MBTD1: variants seen among roughly 807,000 people sequenced by gnomAD.
MBTD1 encodes the protein MBT domain-containing protein 1.
MBTD1 carries 24 observed loss-of-function variants against 87.8 expected under a neutral mutation model. The ratio of observed to expected loss-of-function variants is 0.27; its 90% CI spans 0.20 to 0.38. The LOEUF (loss-of-function observed/expected upper bound fraction) is 0.38. Ranked by LOEUF, MBTD1 falls within the 10% of genes least tolerant of loss-of-function variation. MBTD1 has a pLI of 1.00. For synonymous variants in MBTD1, 237 were observed against 248.6 expected (o/e 0.95, Z 0.44); for missense variants, 436 against 760.2 (o/e 0.57, Z 5.02).
chr17:51,256,507 CTAAA>C (rs1180027475), intron 2 of MBTD1: 2 of 152,140 alleles, frequency 1.3e-5, no homozygotes, highest in Non-Finnish European at 2.9e-5. Context: ...TGCAGACCTA[CTAAA>C]TAAGTTATAG....
chr17:51,244,699 T>C (rs1038271395), intron 2 of MBTD1, among the ~76,000 whole-genome samples: 2 of 152,112 alleles, frequency 1.3e-5, no homozygotes, highest in African/African-American at 4.8e-5. Context: ...TGACCCAACA[T>C]GTCAGACCTC....
chr17:51,213,336 T>A (rs1305297838), intron 6 of MBTD1, among the ~76,000 whole-genome samples: 1 of 152,144 alleles, frequency 6.6e-6, no homozygotes, highest in Non-Finnish European at 1.5e-5. Context: ...TTGGCTAGAG[T>A]GCTTTAAAGC....
At chr17:51,201,126 CA>C (rs202123936) in intron 12 of MBTD1, among the ~76,000 whole-genome samples, 2 of 149,230 alleles carry the variant, frequency 1.3e-5, no homozygotes, top group Non-Finnish European at 1.5e-5. Flanking sequence ...GAGACTGTCT[CA>C]AAAAAAAATG....
In MBTD1 at chr17:51,203,121, A is replaced by T. The variant is rs750380351; in HGVS notation, c.828+19T>A. 6.3e-7 allele frequency: 1 copy of T among 1,580,742 alleles called. No individual in the cohort carries two copies. The highest frequency in any genetic ancestry group is 1.8e-5 in the Admixed American group (1 of 55,404). On this transcript the variant is annotated intron_variant, in intron 9 of 16. Coordinates refer to ENST00000586178, the MANE Select transcript of MBTD1 (RefSeq NM_017643.3). ...TGTTTTTTAGAGCTCTTCAGTCTTT[A>T]TAAGATCCTGTTTTTTACCTTTTGG...
chr17:51,207,133 T>A (rs2051889977), intron 6 of MBTD1, 128 bp from the exon 7 acceptor site: 1 of 529,160 alleles, frequency 1.9e-6, no homozygotes. Flanking sequence ...TCCGTTTGTT[T>A]CCTAGAATTC....
upstream of MBTD1, chr17:51,260,842 C>T: frequency 1.3e-6 from 2 of 1,599,772 alleles, no homozygotes; most frequent in Non-Finnish European, 1.7e-6. Flanking sequence ...ACAAACCGGC[C>T]GTGGAGCGGT....
At chr17:51,202,403 T>C (rs1040761841) in intron 10 of MBTD1, among the ~76,000 whole-genome samples, 3 of 152,270 alleles carry the variant, frequency 2.0e-5, no homozygotes, top group Admixed American at 6.5e-5. Context: ...TTGATTAAAA[T>C]TGAATGGAAA....
intron 16 of MBTD1, among the ~76,000 whole-genome samples, chr17:51,190,931 A>T (rs1214851583): frequency 6.6e-6 from 1 of 151,194 alleles, no homozygotes; most frequent in Non-Finnish European, 1.5e-5. Flanking sequence ...AAAATACAAA[A>T]CTTAGCTGGG....
intron 2 of MBTD1, among the ~76,000 whole-genome samples, chr17:51,228,296 G>A (rs1234783070): frequency 6.6e-6 from 1 of 152,048 alleles, no homozygotes; most frequent in East Asian, 1.9e-4. Context: ...TAGTATCTGG[G>A]TGATGAAATA....
At position 51,248,023 on chromosome 17, in the gene MBTD1, T is replaced by C. The variant is rs551242880; in HGVS notation, c.-49+11120A>G. On this transcript the variant is annotated intron_variant, in intron 2 of 16. Transcript: ENST00000586178. Reference sequence around the variant, plus strand: ...TGTATTTGTACAGAGGTGTGCAAAATAGTTCTGTATTAAAATAGTTCTCAA... The same window carrying C: ...TGTATTTGTACAGAGGTGTGCAAAACAGTTCTGTATTAAAATAGTTCTCAA... 2.6e-5 allele frequency among the ~76,000 whole-genome samples: 4 copies of C among 152,340 alleles called. No individual in the cohort carries two copies. The East Asian group carries it at 5.8e-4, about 22-fold the overall frequency.
At chr17:51,218,850 T>C (rs1257885781) in intron 5 of MBTD1, 80 bp downstream of exon 5, 3 of 858,434 alleles carry the variant, frequency 3.5e-6, no homozygotes, top group Non-Finnish European at 5.7e-6. Context: ...TTAAACAGAA[T>C]TCAAAATTAC....
chr17:51,220,302 A>G (rs984433011), intron 4 of MBTD1, 28 bp downstream of exon 4: 20 of 1,532,622 alleles, frequency 1.3e-5, no homozygotes, highest in African/African-American at 4.2e-5. Context: ...AATAATGGAT[A>G]TAAGTAAGAA....
intron 2 of MBTD1, among the ~76,000 whole-genome samples, chr17:51,225,450 C>A (rs950226675): frequency 9.2e-5 from 14 of 151,850 alleles, no homozygotes; most frequent in Non-Finnish European, 1.5e-4. Flanking sequence ...CTCCCGCACT[C>A]AGATGATCCT....
intron 6 of MBTD1, among the ~76,000 whole-genome samples, chr17:51,209,940 C>G (rs1380807480): frequency 6.6e-6 from 1 of 152,162 alleles, no homozygotes; most frequent in African/African-American, 2.4e-5. Context: ...TAACTACTTA[C>G]AGAATTTTCT....
In MBTD1 at chr17:51,192,190, C is replaced by T. The variant is rs2050848087; in HGVS notation, c.1768+13G>A. 1.4e-5 allele frequency: 21 copies of T among 1,538,874 alleles called. No individual in the cohort carries two copies. Among genetic ancestry groups the T allele is most frequent in the East Asian group, 2.5e-5 (1 of 40,800 alleles). ...AATTAGAAAATGTATGTGAACACCA[C>T]GTGGTGACCCACTTTTCTTATGTCC... On this transcript the variant is annotated intron_variant, in intron 16 of 16. Coordinates refer to ENST00000586178, the MANE Select transcript of MBTD1 (RefSeq NM_017643.3).
chr17:51,238,348 T>C (rs1036387351), intron 2 of MBTD1, among the ~76,000 whole-genome samples: 5 of 152,222 alleles, frequency 3.3e-5, no homozygotes, highest in African/African-American at 1.2e-4. Context: ...AGCTCTCATG[T>C]TCACTTTTTT....
chr17:51,233,205 T>C (rs1011755470), intron 2 of MBTD1, among the ~76,000 whole-genome samples: 13 of 150,734 alleles, frequency 8.6e-5, no homozygotes, highest in African/African-American at 3.2e-4. Flanking sequence ...AAAGGAAAGA[T>C]ATTAAAAAGC....
intron 2 of MBTD1, among the ~76,000 whole-genome samples, chr17:51,231,937 C>T (rs1241729291): frequency 2.6e-5 from 4 of 151,814 alleles, no homozygotes; most frequent in African/African-American, 9.7e-5. Context: ...TTGATTTATC[C>T]TATGTAAAAC....
intron 2 of MBTD1, among the ~76,000 whole-genome samples, chr17:51,253,747 A>T (rs1033932354): frequency 6.6e-6 from 1 of 152,174 alleles, no homozygotes; most frequent in Non-Finnish European, 1.5e-5. Flanking sequence ...TAAAGAAGAG[A>T]TCACAAATCA....
Sources: allele counts gnomAD v4.1 joint callset (sites outside exome capture counted in the v4.1 genomes callset), GRCh38; gene constraint gnomAD v4.1.1; transcripts MANE v1.5; gene names NCBI Gene and HGNC (gene_info 2026-07-23, HGNC 2026-07-21).